KHDRBS2: variants seen among roughly 807,000 people sequenced by gnomAD.
The protein encoded by KHDRBS2 is KH domain-containing, RNA-binding, signal transduction-associated protein 2.
KHDRBS2 carries 26 observed loss-of-function variants against 44.3 expected under a neutral mutation model. The observed-to-expected ratio is 0.59, with a 90% CI of 0.43 to 0.81. KHDRBS2 has a LOEUF of 0.81. Among genes scored for constraint, KHDRBS2 ranks in the 40% least tolerant of loss-of-function variants. KHDRBS2 has a pLI of 0.00. For missense variants in KHDRBS2, 476 were observed against 433.1 expected (o/e 1.10, Z -0.88); for synonymous variants, 194 against 151.1 (o/e 1.28, Z -2.08).
chr6:61,940,464 A>G (rs1562481355), intron 4 of KHDRBS2, among the ~76,000 whole-genome samples: 1 of 152,062 alleles, frequency 6.6e-6, no homozygotes, highest in Non-Finnish European at 1.5e-5. Context: ...GTGCAATGGA[A>G]CTGCTCCAGG....
chr6:61,598,576 A>G, the KHDRBS2 span, among the ~76,000 whole-genome samples: 1 of 152,196 alleles, frequency 6.6e-6, no homozygotes, highest in African/African-American at 2.4e-5. Flanking sequence ...TGGGGGTAGA[A>G]AGAATTGCAA....
chr6:61,565,376 G>A, the KHDRBS2 span, among the ~76,000 whole-genome samples: 15 of 152,172 alleles, frequency 9.9e-5, no homozygotes, highest in East Asian at 2.7e-3. Flanking sequence ...AAACTGGAAA[G>A]ACAACCTACA....
chr6:61,774,030 T>C (rs1447143553), intron 6 of KHDRBS2, among the ~76,000 whole-genome samples: 1 of 152,236 alleles, frequency 6.6e-6, no homozygotes, highest in Non-Finnish European at 1.5e-5. Flanking sequence ...AGTACTATGC[T>C]GTTTTGGTTA....
intron 1 of KHDRBS2, among the ~76,000 whole-genome samples, chr6:62,223,570 C>A (rs1218094756): frequency 6.6e-6 from 1 of 152,194 alleles, no homozygotes; most frequent in African/African-American, 2.4e-5. Context: ...ACTTTTCTAT[C>A]ACATTGTCAG....
rs9767482 is a variant in KHDRBS2, at chr6:61,721,765, T to G, written c.893+10917A>C. 7.0e-5 allele frequency among the ~76,000 whole-genome samples: 6 copies of G among 85,350 alleles called. 1 individual carries two copies. Among genetic ancestry groups the G allele is most frequent in the African/African-American group, 2.4e-4 (6 of 25,404 alleles). 56.0% of individuals were successfully genotyped at this position (85,350 alleles called of 152,430 possible). A position where few individuals can be genotyped will look rare whatever the true frequency, so the allele number is the denominator to read the frequency against. On this transcript the variant is annotated intron_variant, in intron 7 of 8. Coordinates refer to ENST00000281156, the MANE Select transcript of KHDRBS2 (RefSeq NM_152688.4). ...CTTCCTCTTTTCCTAATTGAATACC[T>G]TTTATTTCCTTCTCCTGCCTAATTG...
the KHDRBS2 span, among the ~76,000 whole-genome samples, chr6:61,666,649 G>C: frequency 7.3e-5 from 11 of 151,404 alleles, no homozygotes; most frequent in South Asian, 2.1e-4. Context: ...TGAAAATAGA[G>C]TAAGCCTAAG....
At chr6:62,155,982 A>C (rs1241529289) in intron 2 of KHDRBS2, among the ~76,000 whole-genome samples, 1 of 152,216 alleles carries the variant, frequency 6.6e-6, no homozygotes, top group Non-Finnish European at 1.5e-5. Context: ...CATGTGAAAT[A>C]GGTTTGCAGC....
the KHDRBS2 span, among the ~76,000 whole-genome samples, chr6:61,660,755 C>T: frequency 6.6e-6 from 1 of 151,436 alleles, no homozygotes; most frequent in Non-Finnish European, 1.5e-5. Flanking sequence ...ATATCTTGGC[C>T]TTCTCCAGTG....
intron 4 of KHDRBS2, among the ~76,000 whole-genome samples, chr6:61,947,715 G>A (rs1309632058): frequency 3.9e-5 from 6 of 151,952 alleles, no homozygotes; most frequent in African/African-American, 2.4e-5. Context: ...CACAATGCAA[G>A]TAGTAGGAAT....
intron 6 of KHDRBS2, among the ~76,000 whole-genome samples, chr6:61,881,105 C>T (rs1800146345): frequency 6.6e-6 from 1 of 151,888 alleles, no homozygotes; most frequent in African/African-American, 2.4e-5. Context: ...AGGGCTCAAA[C>T]ATTCTCATAT....
intron 6 of KHDRBS2, among the ~76,000 whole-genome samples, chr6:61,776,507 C>T (rs1368716005): frequency 1.3e-5 from 2 of 152,188 alleles, no homozygotes; most frequent in Non-Finnish European, 2.9e-5. Context: ...CAAAAGAAGA[C>T]ATTTATGCAG....
chr6:61,654,978 G>A, the KHDRBS2 span, among the ~76,000 whole-genome samples: 8 of 151,668 alleles, frequency 5.3e-5, no homozygotes. Context: ...AATCCTCATT[G>A]GCAGAAGCCA....
At chr6:61,818,148 C>T (rs1789278492) in intron 6 of KHDRBS2, among the ~76,000 whole-genome samples, 1 of 151,548 alleles carries the variant, frequency 6.6e-6, no homozygotes. Context: ...AAGTAAGATG[C>T]AACTCTACTG....
At chr6:61,898,622 C>A (rs1427244588) in intron 5 of KHDRBS2, among the ~76,000 whole-genome samples, 4 of 151,678 alleles carry the variant, frequency 2.6e-5, no homozygotes, top group African/African-American at 9.7e-5. Context: ...AAACATGAAT[C>A]CTTAAATTGA....
chr6:61,936,220 C>A (rs1810988768), intron 4 of KHDRBS2, among the ~76,000 whole-genome samples: 1 of 152,024 alleles, frequency 6.6e-6, no homozygotes, highest in Admixed American at 6.6e-5. Context: ...TTTGTACCTT[C>A]CACTAGATTG....
At chr6:61,753,318 C>T (rs1778012557) in intron 6 of KHDRBS2, among the ~76,000 whole-genome samples, 1 of 152,128 alleles carries the variant, frequency 6.6e-6, no homozygotes, top group Non-Finnish European at 1.5e-5. Context: ...GCTTCTTCCT[C>T]GATCTCAGTT....
rs1253919291 is a variant in KHDRBS2 at position 61,771,241 on chromosome 6, C to T, written c.811-38477G>A. ...CAGCCACTGCAAAAACATGCCAAATCGTAAAGACCATCAAGGCTAGGAAGA... is the reference window on the plus strand; with the variant it reads ...CAGCCACTGCAAAAACATGCCAAATTGTAAAGACCATCAAGGCTAGGAAGA... On this transcript the variant is annotated intron_variant, in intron 6 of 8. Coordinates refer to ENST00000281156, the MANE Select transcript of KHDRBS2 (RefSeq NM_152688.4). 4.1e-4 allele frequency among the ~76,000 whole-genome samples: 62 copies of T among 152,170 alleles called. No individual in the cohort carries two copies. In the South Asian group the frequency reaches 8.7e-3, roughly 21 times the overall value.
intron 6 of KHDRBS2, among the ~76,000 whole-genome samples, chr6:61,864,749 A>G (rs1418387051): frequency 6.6e-6 from 1 of 151,980 alleles, no homozygotes; most frequent in African/African-American, 2.4e-5. Flanking sequence ...CTTGGGGATG[A>G]TCTTCTCATG....
intron 1 of KHDRBS2, among the ~76,000 whole-genome samples, chr6:62,255,976 A>T (rs1837337883): frequency 6.6e-6 from 1 of 151,890 alleles, no homozygotes; most frequent in South Asian, 2.1e-4. Flanking sequence ...TACTAAAAAA[A>T]AAATAAAAAT....
Sources: gnomAD v4.1 joint callset for allele counts (sites outside exome capture counted in the v4.1 genomes callset) on GRCh38, gnomAD v4.1.1 for gene constraint, MANE v1.5 for transcripts, NCBI Gene and HGNC (gene_info 2026-07-23, HGNC 2026-07-21) for gene names.